SHOC1: variants seen among roughly 807,000 people sequenced by gnomAD.
SHOC1 encodes shortage in chiasmata 1, also known as protein shortage in chiasmata 1 ortholog.
A neutral mutation model predicts 179.2 loss-of-function variants in SHOC1; 136 were observed. The ratio of observed to expected loss-of-function variants is 0.76; its 90% CI spans 0.66 to 0.87. The LOEUF (loss-of-function observed/expected upper bound fraction) is 0.87. Ranked by LOEUF, SHOC1 falls within the 40% of genes least tolerant of loss-of-function variation. The pLI is 0.00. For missense variants in SHOC1, 1,538 were observed against 1,700.8 expected, an observed-to-expected ratio of 0.90 and a Z score of 1.68; for synonymous variants, 489 against 586.6, an observed-to-expected ratio of 0.83 and a Z score of 2.41.
intron 6 of SHOC1, 113 bp from the exon 7 acceptor site, chr9:111,758,308 G>A (rs907179126): frequency 4.6e-6 from 3 of 651,798 alleles, no homozygotes; most frequent in African/African-American, 1.9e-5. Flanking sequence ...GATGATAAAA[G>A]TTATTGGCCG....
intron 5 of SHOC1, among the ~76,000 whole-genome samples, chr9:111,759,784 T>C (rs1835057729): frequency 6.6e-6 from 1 of 152,212 alleles, no homozygotes; most frequent in Non-Finnish European, 1.5e-5. Flanking sequence ...CAGGTAGTAA[T>C]GTCTCCCACG....
intron 16 of SHOC1, 90 bp from the exon 17 acceptor site, chr9:111,714,713 G>C (rs1307320017): frequency 1.8e-6 from 2 of 1,124,178 alleles, no homozygotes; most frequent in Admixed American, 2.8e-5. Context: ...ATAAGTCAAA[G>C]CAGAGACAGT....
At chr9:111,735,518 T>A (rs1833775968) in intron 12 of SHOC1, among the ~76,000 whole-genome samples, 1 of 152,302 alleles carries the variant, frequency 6.6e-6, no homozygotes, top group South Asian at 2.1e-4. Flanking sequence ...ATAAAACTCA[T>A]CCTTTTTTAT....
chr9:111,725,253 AATTTATAGT>A (rs554807747), intron 13 of SHOC1, among the ~76,000 whole-genome samples: 1 of 152,320 alleles, frequency 6.6e-6, no homozygotes, highest in East Asian at 1.9e-4. Context: ...GGGGTCTAAG[AATTTATAGT>A]ATTTCTTGCC....
chr9:111,781,194 A>C (rs928117422), intron 3 of SHOC1, 177 bp from the exon 4 acceptor site: 1 of 571,992 alleles, frequency 1.7e-6, no homozygotes, highest in East Asian at 3.0e-5. Context: ...TCATCAACCT[A>C]CCCCCGCCCC....
chr9:111,715,095 T>A (rs139309096), intron 16 of SHOC1, among the ~76,000 whole-genome samples: 2 of 152,340 alleles, frequency 1.3e-5, no homozygotes, highest in African/African-American at 4.8e-5. Context: ...TTCATATGGC[T>A]GCTAAAACAG....
At chr9:111,746,665 T>C (rs1485817690) in intron 9 of SHOC1, among the ~76,000 whole-genome samples, 1 of 152,080 alleles carries the variant, frequency 6.6e-6, no homozygotes, top group African/African-American at 2.4e-5. Context: ...CAAGCCTTTG[T>C]CTCTAAAAAA....
intron 8 of SHOC1, among the ~76,000 whole-genome samples, chr9:111,751,741 T>G (rs1339300030): frequency 6.6e-6 from 1 of 152,136 alleles, no homozygotes; most frequent in Non-Finnish European, 1.5e-5. Context: ...CTGGCTTTTG[T>G]TTTAAGAAAG....
intron 2 of SHOC1, among the ~76,000 whole-genome samples, chr9:111,790,906 TTAGA>T (rs1836422233): frequency 6.6e-6 from 1 of 152,172 alleles, no homozygotes; most frequent in African/African-American, 2.4e-5. Context: ...CTAAAAGTAA[TTAGA>T]CTAATAAACA....
chr9:111,767,978 T>G (rs2131595416), intron 5 of SHOC1, among the ~76,000 whole-genome samples: 1 of 152,254 alleles, frequency 6.6e-6, no homozygotes, highest in East Asian at 1.9e-4. Context: ...TTTGGCAATA[T>G]TAATTTAGTA....
chr9:111,717,365 G>C (rs1034899220), intron 16 of SHOC1, among the ~76,000 whole-genome samples: 1 of 152,064 alleles, frequency 6.6e-6, no homozygotes, highest in South Asian at 2.1e-4. Flanking sequence ...AGGCCAAGGC[G>C]GGTGGATCAC....
intron 8 of SHOC1, among the ~76,000 whole-genome samples, chr9:111,753,828 T>G (rs1834723201): frequency 6.6e-6 from 1 of 152,148 alleles, no homozygotes; most frequent in South Asian, 2.1e-4. Context: ...CACTTCTATG[T>G]GGAATCTAAA....
In SHOC1 at chr9:111,738,418, A is replaced by G. The variant is rs1364181648; in HGVS notation, c.1279T>C (p.Trp427Arg). The change falls in exon 12 of 28, where the codon TGG (tryptophan) becomes CGG (arginine). Residue 427 changes from tryptophan to arginine, a missense_variant. Physicochemically the swap from Trp to Arg is moderately radical, Grantham distance 101. Transcript: ENST00000682961. ...AGATTTAGTCCTGCTTGTTTCCACC[A>G]CTCTGCCTTTTCCAGATTAATCACA... ...SLVINLEKAE[W>R]WKQAGLNLKM... 1.9e-6 allele frequency: 3 copies of G among 1,612,012 alleles called. No homozygotes were observed. Among genetic ancestry groups the G allele is most frequent in the Non-Finnish European group, 2.5e-6 (3 of 1,179,264 alleles).
chr9:111,739,651 A>G (rs1312186326), intron 11 of SHOC1, among the ~76,000 whole-genome samples: 3 of 152,166 alleles, frequency 2.0e-5, no homozygotes, highest in African/African-American at 4.8e-5. Flanking sequence ...TTTTTCAGGT[A>G]GAAATAATTG....
Position 111,769,975 on chromosome 9 carries a change from G to GTTTTTTTTTTTTTTTTTTTTTTTT in SHOC1, c.442+5815_442+5816insAAAAAAAAAAAAAAAAAAAAAAAA. On this transcript the variant is annotated intron_variant, in intron 5 of 27. Transcript: ENST00000682961. ...AATCTAGCGAAAGGTTTTATCTTCT[G>GTTTTTTTTTTTTTTTTTTTTTTTT]TTTTTTTTTTGTTTTTTTTTTTTTT... is the stretch of plus-strand genomic sequence containing the variant. 1.5e-4 allele frequency among the ~76,000 whole-genome samples: 13 copies of GTTTTTTTTTTTTTTTTTTTTTTTT among 87,800 alleles called. 1 individual carries two copies. Among genetic ancestry groups the GTTTTTTTTTTTTTTTTTTTTTTTT allele is most frequent in the Admixed American group, 3.3e-4 (3 of 9,228 alleles). 57.6% of individuals were successfully genotyped at this position (87,800 alleles called of 152,430 possible).
At chr9:111,712,549 C>A (rs7048857) in intron 18 of SHOC1, among the ~76,000 whole-genome samples, 122,140 of 152,150 alleles carry the variant, frequency 0.8, 49,213 homozygotes, top group East Asian at 0.92. Context: ...GAAGAAAGAG[C>A]AGAGTTTGCA....
At chr9:111,739,391 C>A (rs1166685988) in intron 11 of SHOC1, among the ~76,000 whole-genome samples, 9 of 152,068 alleles carry the variant, frequency 5.9e-5, no homozygotes, top group Admixed American at 4.6e-4. Flanking sequence ...GAATCCATTA[C>A]CACAATCAAG....
At chr9:111,737,984 AATC>A in intron 12 of SHOC1, 1 of 382,642 alleles carries the variant, frequency 2.6e-6, no homozygotes, top group Non-Finnish European at 4.6e-6. Flanking sequence ...CTAGCAATTT[AATC>A]ATTTATAAAA....
In SHOC1 at chr9:111,760,712, A is replaced by C. The variant is rs1169507926; in HGVS notation, c.443-1864T>G. ...TGAACTATCAAGGACTAAACATAAA[A>C]ATATTCAGAAAGTATATGCAGGAAA... On this transcript the variant is annotated intron_variant, in intron 5 of 27. Transcript: ENST00000682961. 2.0e-5 allele frequency among the ~76,000 whole-genome samples: 3 copies of C among 151,982 alleles called. No individual in the cohort carries two copies. The East Asian group carries it at 5.8e-4, about 29-fold the overall frequency.
Sources: allele counts gnomAD v4.1 joint callset (sites outside exome capture counted in the v4.1 genomes callset), GRCh38; gene constraint gnomAD v4.1.1; transcripts MANE v1.5; gene names NCBI Gene and HGNC (gene_info 2026-07-23, HGNC 2026-07-21).